Variants in PACC1 observed in about 807,000 individuals in gnomAD.
PACC1 encodes the protein proton-activated chloride channel.
Under a neutral mutation model 39.7 loss-of-function variants are expected in PACC1, and 34 were observed. The observed-to-expected ratio is 0.86, with a 90% CI of 0.65 to 1.14. PACC1 has a LOEUF of 1.14. Among genes scored for constraint, PACC1 ranks in the 50% most tolerant of loss-of-function variants. The pLI is 0.00. For synonymous variants in PACC1, 127 were observed against 160.6 expected (o/e 0.79, Z 1.58); for missense variants, 379 against 436.4 (o/e 0.87, Z 1.17).
intron 1 of PACC1, among the ~76,000 whole-genome samples, chr1:212,411,076 G>A (rs1662110938): frequency 6.6e-6 from 1 of 152,170 alleles, no homozygotes; most frequent in Non-Finnish European, 1.5e-5. Context: ...CACCTGCAAT[G>A]ACCCCATTTC....
At position 212,410,526 on chromosome 1, in the gene PACC1, A is replaced by G. The variant is rs1318895170; in HGVS notation, c.37-5T>C. Reference sequence around the variant, plus strand: ...CTGGACCAACTCCTCACTCAGCTAAAGGGAGAAGCAAAGAGAGCAAAGACA... The same window carrying G: ...CTGGACCAACTCCTCACTCAGCTAAGGGGAGAAGCAAAGAGAGCAAAGACA... On this transcript the variant is annotated splice_region_variant and splice_polypyrimidine_tract_variant and intron_variant, in intron 1 of 7. Coordinates refer to ENST00000261455, the MANE Select transcript of PACC1 (RefSeq NM_018252.3). 5.6e-6 allele frequency: 9 copies of G among 1,613,744 alleles called. No individual in the cohort carries two copies. In the Admixed American group the frequency reaches 1.5e-4, roughly 27 times the overall value.
At chr1:212,385,487 T>C (rs1413531257) in intron 3 of PACC1, 62 bp from the exon 4 acceptor site, 9 of 1,572,986 alleles carry the variant, frequency 5.7e-6, no homozygotes, top group Non-Finnish European at 4.4e-6. Flanking sequence ...ATCCCTGAAA[T>C]CATCTCACAC....
chr1:212,412,975 C>T (rs1314398851), intron 1 of PACC1, among the ~76,000 whole-genome samples: 1 of 152,192 alleles, frequency 6.6e-6, no homozygotes, highest in East Asian at 1.9e-4. Flanking sequence ...TTATGTGACT[C>T]AATAAAAGTC....
At chr1:212,406,034 C>T (rs1462891152) in intron 2 of PACC1, among the ~76,000 whole-genome samples, 2 of 137,178 alleles carry the variant, frequency 1.5e-5, no homozygotes, top group African/African-American at 2.7e-5. Flanking sequence ...CTCAACTACT[C>T]GGGAGGCTGA....
At chr1:212,374,190 G>C (rs751022180) in intron 7 of PACC1, among the ~76,000 whole-genome samples, 1 of 146,790 alleles carries the variant, frequency 6.8e-6, no homozygotes, top group African/African-American at 2.8e-5. Context: ...AGGAAAATGT[G>C]GTGTGTATAT....
rs749158185 is a variant in PACC1, at chr1:212,379,944, T to C, written c.589A>G (p.Ser197Gly). The C allele has an allele frequency of 1.9e-6, 3 of 1,614,236 alleles. No individual in the cohort carries two copies. Among genetic ancestry groups the C allele is most frequent in the South Asian group, 2.2e-5 (2 of 91,086 alleles). Residue 197 changes from serine to glycine, a missense_variant, in exon 5 of 8, where the codon AGC becomes GGC. By Grantham distance (56) the Ser-to-Gly change is moderately conservative. Coordinates refer to ENST00000261455, the MANE Select transcript of PACC1 (RefSeq NM_018252.3). ...FRLNKSSEDF[S>G]AIDYLLFSSF... ...GAGAAGAGGAGGTAATCAATGGCGC[T>C]GAAGTCCTCACTACTCTTGTTCAGG...
chr1:212,409,362 G>A (rs928535668), intron 2 of PACC1, among the ~76,000 whole-genome samples: 2 of 152,140 alleles, frequency 1.3e-5, no homozygotes, highest in Admixed American at 1.3e-4. Flanking sequence ...AAAAATGAGT[G>A]AGCTGAAAGC....
chr1:212,411,848 G>C (rs894604468), intron 1 of PACC1, among the ~76,000 whole-genome samples: 3 of 152,114 alleles, frequency 2.0e-5, no homozygotes. Flanking sequence ...AAAAGAAAAG[G>C]CCAGGTGCGG....
intron 2 of PACC1, 101 bp from the exon 3 acceptor site, chr1:212,387,201 G>A (rs1259585600): frequency 5.2e-6 from 6 of 1,164,478 alleles, no homozygotes; most frequent in Non-Finnish European, 7.4e-6. Flanking sequence ...CCAAGGAGGT[G>A]AAGTCACCTG....
intron 2 of PACC1, among the ~76,000 whole-genome samples, chr1:212,393,216 C>T (rs959388587): frequency 6.6e-6 from 1 of 152,142 alleles, no homozygotes; most frequent in Admixed American, 6.6e-5. Flanking sequence ...TGAAAAAGAA[C>T]AGAAATTATA....
At chr1:212,383,689 T>C (rs1660988719) in intron 4 of PACC1, among the ~76,000 whole-genome samples, 1 of 152,186 alleles carries the variant, frequency 6.6e-6, no homozygotes, top group South Asian at 2.1e-4. Context: ...TCTTCCAAAG[T>C]AGTAAATTTC....
At chr1:212,399,269 T>C (rs941429358) in intron 2 of PACC1, among the ~76,000 whole-genome samples, 3 of 152,220 alleles carry the variant, frequency 2.0e-5, no homozygotes, top group Non-Finnish European at 4.4e-5. Flanking sequence ...GGCCTAACTC[T>C]ACTCTTTGTA....
chr1:212,396,471 G>A (rs1661521648), intron 2 of PACC1, among the ~76,000 whole-genome samples: 1 of 151,998 alleles, frequency 6.6e-6, no homozygotes, highest in Admixed American at 6.6e-5. Flanking sequence ...AGCATTAGGA[G>A]ATATACCTAA....
chr1:212,371,012 C>CCAA (rs1660430498), intron 7 of PACC1, among the ~76,000 whole-genome samples: 2 of 152,038 alleles, frequency 1.3e-5, no homozygotes, highest in African/African-American at 4.8e-5. Flanking sequence ...CTTTGGGAGG[C>CCAA]TGAGGCCGGC....
At chr1:212,402,753 C>T (rs61828750) in intron 2 of PACC1, among the ~76,000 whole-genome samples, 1 of 152,180 alleles carries the variant, frequency 6.6e-6, no homozygotes, top group Non-Finnish European at 1.5e-5. Flanking sequence ...CTCCTAGGTT[C>T]AAGCAATTCT....
chr1:212,389,045 C>T (rs1226556928), intron 2 of PACC1, among the ~76,000 whole-genome samples: 1 of 152,174 alleles, frequency 6.6e-6, no homozygotes, highest in Non-Finnish European at 1.5e-5. Flanking sequence ...TATTTGAAGG[C>T]ACTGGGAGAA....
chr1:212,404,583 T>A (rs188543708), intron 2 of PACC1, among the ~76,000 whole-genome samples: 37 of 152,128 alleles, frequency 2.4e-4, no homozygotes, highest in Admixed American at 1.4e-3. Context: ...CCTATTTTAT[T>A]CCCATCTCTA....
intron 2 of PACC1, among the ~76,000 whole-genome samples, chr1:212,392,564 A>G (rs1030091896): frequency 1.3e-5 from 2 of 152,244 alleles, no homozygotes; most frequent in Non-Finnish European, 2.9e-5. Context: ...TAACATCATA[A>G]TGACAGGATC....
At chr1:212,414,140 G>A (rs1328851428) in intron 1 of PACC1, 6 of 1,460,896 alleles carry the variant, frequency 4.1e-6, no homozygotes, top group Middle Eastern at 2.1e-4. Flanking sequence ...GTGGGAGGAG[G>A]TGAGACTGGA....
Sources: gnomAD v4.1 joint callset for allele counts (sites outside exome capture counted in the v4.1 genomes callset) on GRCh38, gnomAD v4.1.1 for gene constraint, MANE v1.5 for transcripts, NCBI Gene and HGNC (gene_info 2026-07-23, HGNC 2026-07-21) for gene names.